The following TMEM132C variants were observed in gnomAD, a reference collection of about 807,000 sequenced individuals.
The protein encoded by TMEM132C is transmembrane protein 132C.
A neutral mutation model predicts 61.4 loss-of-function variants in TMEM132C; 29 were observed. That is an observed-to-expected ratio of 0.47 (90% confidence interval 0.35 to 0.64). TMEM132C has a LOEUF of 0.64. Ranked by LOEUF, TMEM132C falls within the 30% of genes least tolerant of loss-of-function variation. The pLI is 0.00. For missense variants in TMEM132C, 1,408 were observed against 1,476.9 expected, an observed-to-expected ratio of 0.95 and a Z score of 0.76; for synonymous variants, 656 against 633.1, an observed-to-expected ratio of 1.04 and a Z score of -0.54.
intron 1 of TMEM132C, among the ~76,000 whole-genome samples, chr12:128,340,749 CTT>C (rs1331753672): frequency 7.0e-6 from 1 of 141,902 alleles, no homozygotes; most frequent in Non-Finnish European, 1.5e-5. Context: ...TTCTTTTTTT[CTT>C]TTTCTTTCTT....
At chr12:128,283,623 A>G (rs929624504) in intron 1 of TMEM132C, among the ~76,000 whole-genome samples, 1 of 151,998 alleles carries the variant, frequency 6.6e-6, no homozygotes, top group East Asian at 1.9e-4. Flanking sequence ...CTATCTACCT[A>G]TGCCTCCAGC....
At chr12:128,515,919 A>G (rs1044735210) in intron 2 of TMEM132C, among the ~76,000 whole-genome samples, 2 of 152,178 alleles carry the variant, frequency 1.3e-5, no homozygotes, top group African/African-American at 4.8e-5. Context: ...ATGCAAGGGT[A>G]TATTATAGGA....
chr12:128,279,641 C>T (rs945670702), intron 1 of TMEM132C, among the ~76,000 whole-genome samples: 3 of 152,208 alleles, frequency 2.0e-5, no homozygotes, highest in Non-Finnish European at 2.9e-5. Flanking sequence ...TTTGCACATG[C>T]CTACTGTGGG....
chr12:128,285,410 TAAATA>T (rs2135902814), intron 1 of TMEM132C, among the ~76,000 whole-genome samples: 1 of 152,226 alleles, frequency 6.6e-6, no homozygotes, highest in Non-Finnish European at 1.5e-5. Flanking sequence ...TTTTAGTAAA[TAAATA>T]AAATTATCTT....
chr12:128,663,183 A>G (rs1364333319), intron 4 of TMEM132C, among the ~76,000 whole-genome samples: 1 of 152,200 alleles, frequency 6.6e-6, no homozygotes. Flanking sequence ...CATCATCCCT[A>G]TCTAATTTCA....
intron 5 of TMEM132C, among the ~76,000 whole-genome samples, chr12:128,684,932 G>A (rs1954662579): frequency 6.6e-6 from 1 of 152,200 alleles, no homozygotes; most frequent in Non-Finnish European, 1.5e-5. Flanking sequence ...TTGCACAGGA[G>A]ATGCCAGATG....
At chr12:128,427,288 G>A (rs1869217898) in intron 2 of TMEM132C, among the ~76,000 whole-genome samples, 1 of 152,020 alleles carries the variant, frequency 6.6e-6, no homozygotes, top group Non-Finnish European at 1.5e-5. Flanking sequence ...GTCTTTCCTG[G>A]AACCACCTTG....
chr12:128,303,041 T>C (rs1256310635), intron 1 of TMEM132C, among the ~76,000 whole-genome samples: 4 of 152,160 alleles, frequency 2.6e-5, no homozygotes, highest in African/African-American at 7.2e-5. Flanking sequence ...AAATCAGTGA[T>C]GGGGAAAATC....
chr12:128,476,314 T>C (rs1266500810), intron 2 of TMEM132C, among the ~76,000 whole-genome samples: 2 of 152,164 alleles, frequency 1.3e-5, no homozygotes, highest in South Asian at 4.1e-4. Flanking sequence ...GGTTGCAGCG[T>C]GCACATGGCA....
intron 1 of TMEM132C, among the ~76,000 whole-genome samples, chr12:128,369,667 G>T (rs150940526): frequency 5.0e-4 from 76 of 152,310 alleles, no homozygotes; most frequent in African/African-American, 1.7e-3. Context: ...CAAAATGATT[G>T]CCTGGGTCAT....
intron 3 of TMEM132C, among the ~76,000 whole-genome samples, chr12:128,611,205 C>T (rs886089649): frequency 1.3e-4 from 16 of 118,668 alleles, no homozygotes; most frequent in African/African-American, 5.0e-4. Context: ...GTCAGGAAGT[C>T]CTTTGAAGCC....
chr12:128,415,236 A>G lies in TMEM132C; in HGVS notation c.590A>G (p.Glu197Gly), dbSNP rs1020046851. 2 of 1,608,664 alleles carry G rather than the reference A, an allele frequency of 1.2e-6. No individual in the cohort carries two copies. The highest frequency in any genetic ancestry group is 1.3e-5 in the African/African-American group (1 of 74,582). Residue 197 changes from glutamate (E) to glycine (G), a missense_variant, in exon 2 of 9, where the codon GAG becomes GGG. Transcript: ENST00000435159. This position sits in a 1 kb window ranked among gnomAD's most constrained non-coding sequence, Gnocchi z 5.8. ...GGGGACCTGGGGCTGTGTGTGGCTG[A>G]GCTGGAGCTCCTGTCCAGCTGGTTC... ...LKGDLGLCVA[E>G]LELLSSWFSA...
At chr12:128,313,821 CAG>C (rs919267546) in intron 1 of TMEM132C, among the ~76,000 whole-genome samples, 132 of 152,324 alleles carry the variant, frequency 8.7e-4, no homozygotes, top group African/African-American at 3.1e-3. Context: ...ACAGTGAAAA[CAG>C]TGTGGGGATC....
chr12:128,447,674 C>A (rs980385032), intron 2 of TMEM132C, among the ~76,000 whole-genome samples: 8 of 148,576 alleles, frequency 5.4e-5, no homozygotes, highest in Non-Finnish European at 1.2e-4. Flanking sequence ...AGAGTCACCA[C>A]ACTCCTAGAC....
chr12:128,394,736 T>C (rs956189988), intron 1 of TMEM132C, among the ~76,000 whole-genome samples: 3 of 152,112 alleles, frequency 2.0e-5, no homozygotes, highest in African/African-American at 7.2e-5. Context: ...CTTTAAAGTG[T>C]GTTGTGCACC....
chr12:128,358,009 ATCATTGTTCCTTC>A (rs1281373950), intron 1 of TMEM132C, among the ~76,000 whole-genome samples: 3 of 152,060 alleles, frequency 2.0e-5, no homozygotes, highest in African/African-American at 7.2e-5. Context: ...TTGTGTCGGC[ATCATTGTTCCTTC>A]TCAGAGTCCC....
At position 128,610,994 on chromosome 12, in the gene TMEM132C, C is replaced by T. The variant is rs149923747; in HGVS notation, c.1122-5158C>T. On this transcript the variant is annotated intron_variant, in intron 3 of 8. Transcript: ENST00000435159. ...ACCCTAAAGCCACTGAGCCTGAATG[C>T]GATGTCAAGTCCTGCTAAAAACAAG... 3.9e-3 allele frequency among the ~76,000 whole-genome samples: 600 copies of T among 152,272 alleles called. 2 individuals carry two copies. The highest frequency in any genetic ancestry group is 6.2e-3 in the Non-Finnish European group (421 of 68,018).
chr12:128,287,975 T>G (rs1871126272), intron 1 of TMEM132C, among the ~76,000 whole-genome samples: 1 of 152,176 alleles, frequency 6.6e-6, no homozygotes, highest in African/African-American at 2.4e-5. Context: ...GACATTGAGT[T>G]CTGAATTGGG....
intron 2 of TMEM132C, among the ~76,000 whole-genome samples, chr12:128,458,164 T>G (rs577141011): frequency 1.3e-5 from 2 of 149,102 alleles, no homozygotes; most frequent in Non-Finnish European, 3.0e-5. Context: ...TGTATCATTA[T>G]ATATAATTAG....
Sources: allele counts gnomAD v4.1 joint callset (sites outside exome capture counted in the v4.1 genomes callset), GRCh38; gene constraint gnomAD v4.1.1; non-coding constraint Gnocchi (gnomAD v3.1); transcripts MANE v1.5; gene names NCBI Gene and HGNC (gene_info 2026-07-23, HGNC 2026-07-21).